The following AKAP9 variants were observed in gnomAD, a reference collection of about 807,000 sequenced individuals.
AKAP9 encodes A-kinase anchoring protein 9.
In AKAP9, 311 loss-of-function variants were observed where a neutral mutation model predicts 488.5. The observed-to-expected ratio is 0.64, with a 90% CI of 0.58 to 0.70. AKAP9 has a LOEUF of 0.70. Ranked by LOEUF, AKAP9 falls within the 30% of genes least tolerant of loss-of-function variation. The probability of loss-of-function intolerance (pLI) is 0.00; values close to 1 mark genes in which losing one functional copy is unlikely to be tolerated. For synonymous variants in AKAP9, 1,462 were observed against 1,483.5 expected (o/e 0.99, Z 0.33); for missense variants, 4,215 against 4,374.5 (o/e 0.96, Z 1.03).
At chr7:92,061,236 T>A in intron 22 of AKAP9, 24 bp from the exon 23 acceptor site, 5 of 1,609,892 alleles carry the variant, frequency 3.1e-6, no homozygotes, top group Middle Eastern at 1.7e-4. Context: ...TTTTCTTTTA[T>A]GTATTGTTTC....
intron 21 of AKAP9, among the ~76,000 whole-genome samples, chr7:92,049,230 G>A (rs1807505271): frequency 6.6e-6 from 1 of 152,284 alleles, no homozygotes; most frequent in African/African-American, 2.4e-5. Context: ...CAAACTGGAT[G>A]TTCTAAGATT....
chr7:92,010,606 A>G (rs1338394976), intron 8 of AKAP9, among the ~76,000 whole-genome samples: 1 of 152,222 alleles, frequency 6.6e-6, no homozygotes, highest in African/African-American at 2.4e-5. Flanking sequence ...CAGTTATTCC[A>G]CATTGGCTTC....
rs1447947098 is a variant in AKAP9, at chr7:92,029,960, G to C, written c.4214G>C (p.Cys1405Ser). 4 of 1,612,026 alleles carry C rather than the reference G, an allele frequency of 2.5e-6. No individual in the cohort carries two copies. The highest frequency in any genetic ancestry group is 3.4e-6 in the Non-Finnish European group (4 of 1,178,538). The change falls in exon 15 of 50, where the codon TGT becomes TCT. Residue 1405 changes from cysteine to serine, a missense_variant. Cys to Ser is a moderately radical substitution (Grantham distance 112). Transcript: ENST00000356239. The stretch of plus-strand genomic sequence containing the variant: ...CAGAGAACAATGTACCCTGGAAGTT[G>C]TGTGAAAAAGAATATTGATGGTACA... The part of the protein sequence containing the change: ...DAQRTMYPGS[C>S]VKKNIDGTIE...
Position 92,093,157 on chromosome 7 carries a change from T to C in AKAP9, c.9419T>C (p.Leu3140Pro). 6.2e-7 allele frequency: 1 copy of C among 1,614,170 alleles called. No individual in the cohort carries two copies. Among genetic ancestry groups the C allele is most frequent in the Non-Finnish European group, 8.5e-7 (1 of 1,180,030 alleles). ...QSQMLEMQVELSSMKDRATEL... is the reference protein window; with the variant it reads ...QSQMLEMQVEPSSMKDRATEL... ...CAAATGCTGGAGATGCAAGTGGAGCTCAGCAGTATGAAAGACAGAGCAACG... is the reference window on the plus strand; with the variant it reads ...CAAATGCTGGAGATGCAAGTGGAGCCCAGCAGTATGAAAGACAGAGCAACG... Residue 3140 changes from leucine to proline, a missense_variant, in exon 39 of 50, where the codon CTC (leucine) becomes CCC (proline). Coordinates refer to ENST00000356239, the MANE Select transcript of AKAP9 (RefSeq NM_005751.5).
intron 2 of AKAP9, among the ~76,000 whole-genome samples, chr7:91,975,695 A>G (rs949884434): frequency 1.3e-5 from 2 of 152,090 alleles, no homozygotes; most frequent in Non-Finnish European, 2.9e-5. Flanking sequence ...ACATCCTTGT[A>G]TTATTTCTCC....
intron 1 of AKAP9, among the ~76,000 whole-genome samples, chr7:91,944,591 T>C (rs1791194944): frequency 6.6e-6 from 1 of 152,150 alleles, no homozygotes; most frequent in African/African-American, 2.4e-5. Context: ...TTCACCATGT[T>C]GGCCAGGCTG....
intron 14 of AKAP9, among the ~76,000 whole-genome samples, chr7:92,028,295 TAAA>T (rs57352733): frequency 0.42 from 27,844 of 65,732 alleles, 2,174 homozygotes; most frequent in Admixed American, 0.49. Flanking sequence ...CAATAAATAC[TAAA>T]AAAAAAAAAA....
chr7:92,097,190 A>G lies in AKAP9; in HGVS notation c.10231A>G (p.Lys3411Glu). Reference sequence around the variant, plus strand: ...GAAAAAAATGCATGAGCTCCAGTCCAAAGTGGAAGATCTTCAGCGCCAGCT... The same window carrying G: ...GAAAAAAATGCATGAGCTCCAGTCCGAAGTGGAAGATCTTCAGCGCCAGCT... ...GQKKMHELQS[K>E]VEDLQRQLEE... Residue 3411 changes from lysine to glutamate, a missense_variant, in exon 41 of 50, where the codon AAA becomes GAA. Transcript: ENST00000356239. 1 of 1,613,400 alleles carries G rather than the reference A, an allele frequency of 6.2e-7. No individual in the cohort carries two copies. The highest frequency in any genetic ancestry group is 8.5e-7 in the Non-Finnish European group (1 of 1,179,794).
intron 8 of AKAP9, among the ~76,000 whole-genome samples, chr7:92,009,937 TCAGA>T (rs1181963483): frequency 6.6e-6 from 1 of 152,200 alleles, no homozygotes; most frequent in Admixed American, 6.5e-5. Flanking sequence ...TGGAGTGCAG[TCAGA>T]CAATCACATT....
intron 38 of AKAP9, among the ~76,000 whole-genome samples, chr7:92,090,885 T>G (rs555090851): frequency 1.4e-4 from 21 of 152,374 alleles, no homozygotes; most frequent in Non-Finnish European, 8.8e-5. Flanking sequence ...TATTAGTTTA[T>G]ACACTTAGTA....
Position 92,017,079 on chromosome 7 carries a change from GT to G in AKAP9, c.3815del (p.Val1272AspfsTer6), listed in dbSNP as rs752662491. ...AACAGAAGAATACAACAAACTCTTG[GT>G]ACTTCAAACACGACTAAGCAAGGTC... ...KVTEEYNKLL[V>X]LQTRLSKIWG... On this transcript the variant is annotated frameshift_variant, in exon 12 of 50. Transcript: ENST00000356239. LOFTEE classifies it high-confidence loss of function. 6.3e-7 allele frequency: 1 copy of G among 1,586,988 alleles called. No individual in the cohort carries two copies. Among genetic ancestry groups the G allele is most frequent in the East Asian group, 2.3e-5 (1 of 44,420 alleles).
chr7:92,046,661 A>G (rs1028261935), intron 21 of AKAP9, among the ~76,000 whole-genome samples: 5 of 152,140 alleles, frequency 3.3e-5, no homozygotes, highest in African/African-American at 1.2e-4. Flanking sequence ...AATTAACTTC[A>G]CTCTTGGTTA....
rs370129982 is a variant in AKAP9, at chr7:92,097,337, C to T, written c.10378C>T (p.Leu3460=). ...AGAAAAACGAGAAAGTAGAAGAATT[C>T]TGTATCAGAACCTTAATGAGGTAAA... ...REEKRESRRI[L]YQNLNEPTTW... is the part of the protein sequence containing the mutation. Residue 3460 remains leucine, a synonymous_variant, in exon 41 of 50, where the codon CTG becomes TTG. Coordinates refer to ENST00000356239, the MANE Select transcript of AKAP9 (RefSeq NM_005751.5). 18 of 1,613,228 alleles carry T rather than the reference C, an allele frequency of 1.1e-5. No individual in the cohort carries two copies. Among genetic ancestry groups the T allele is most frequent in the Non-Finnish European group, 1.4e-5 (17 of 1,179,796 alleles).
chr7:91,952,377 T>G (rs891255628), intron 1 of AKAP9, among the ~76,000 whole-genome samples: 1 of 152,226 alleles, frequency 6.6e-6, no homozygotes, highest in African/African-American at 2.4e-5. Context: ...CATTATTTAG[T>G]TAGTAGGCAG....
In AKAP9 at chr7:92,100,778, T is replaced by G. The variant is rs1817399889; in HGVS notation, c.10897-78T>G. The G allele has an allele frequency of 1.9e-6, 3 of 1,543,602 alleles. No individual in the cohort carries two copies. The Admixed American group carries it at 5.0e-5, about 26-fold the overall frequency. ...GGGTTAGAAAGTTGAGACTGCATCATCATGCAGATATCTTTTTAATATGTT... is the reference window on the plus strand; with the variant it reads ...GGGTTAGAAAGTTGAGACTGCATCAGCATGCAGATATCTTTTTAATATGTT... On this transcript the variant is annotated intron_variant, in intron 44 of 49. Transcript: ENST00000356239.
At chr7:92,041,052 A>G in intron 18 of AKAP9, 154 bp downstream of exon 18, 2 of 646,714 alleles carry the variant, frequency 3.1e-6, no homozygotes, top group East Asian at 5.4e-5. Flanking sequence ...TATATTTAGC[A>G]TCAGGAACAC....
At chr7:91,967,506 A>G (rs1175125473) in intron 1 of AKAP9, among the ~76,000 whole-genome samples, 1 of 152,172 alleles carries the variant, frequency 6.6e-6, no homozygotes, top group African/African-American at 2.4e-5. Flanking sequence ...GAGGGTTTCT[A>G]TCCTAAAGGC....
intron 44 of AKAP9, among the ~76,000 whole-genome samples, chr7:92,100,624 TC>T (rs1489153695): frequency 6.6e-6 from 1 of 152,210 alleles, no homozygotes; most frequent in Non-Finnish European, 1.5e-5. Flanking sequence ...TGCTAAACCT[TC>T]CCTGTGGCCA....
At chr7:92,053,454 C>A (rs770011810) in intron 22 of AKAP9, among the ~76,000 whole-genome samples, 75 of 152,128 alleles carry the variant, frequency 4.9e-4, no homozygotes, top group Non-Finnish European at 9.4e-4. Flanking sequence ...TTGTTCTTAA[C>A]AGGCTACTAG....
Sources: gnomAD v4.1 joint callset for allele counts (sites outside exome capture counted in the v4.1 genomes callset) on GRCh38, gnomAD v4.1.1 for gene constraint, MANE v1.5 for transcripts, NCBI Gene and HGNC (gene_info 2026-07-23, HGNC 2026-07-21) for gene names.